The following PCNX1 variants were observed in gnomAD, a reference collection of about 807,000 sequenced individuals.
The protein encoded by PCNX1 is pecanex-like protein 1.
PCNX1 carries 78 observed loss-of-function variants against 242.2 expected under a neutral mutation model. The observed-to-expected ratio is 0.32, with a 90% CI of 0.27 to 0.39. PCNX1 has a LOEUF of 0.39. PCNX1 is among the 10% of genes least tolerant of loss of function. PCNX1 has a pLI of 1.00. For synonymous variants in PCNX1, 1,024 were observed against 1,032.9 expected (o/e 0.99, Z 0.17); for missense variants, 2,581 against 2,856.5 (o/e 0.90, Z 2.20).
chr14:70,918,887 T>C (rs1402161360), intron 1 of PCNX1, among the ~76,000 whole-genome samples: 1 of 146,200 alleles, frequency 6.8e-6, no homozygotes, highest in African/African-American at 2.5e-5. Context: ...TTTTTTGGTT[T>C]TTTTTTTTTT....
chr14:71,012,933 TTAAA>T, intron 10 of PCNX1, 48 bp from the exon 11 acceptor site: 1 of 1,107,092 alleles, frequency 9.0e-7, no homozygotes, highest in Non-Finnish European at 1.4e-6. Flanking sequence ...AATAAACATA[TTAAA>T]TAAATATTGA....
chr14:71,103,790 C>T lies in PCNX1; in HGVS notation c.6095+121C>T, dbSNP rs1394019476. 5.1e-6 allele frequency: 4 copies of T among 782,836 alleles called. No individual in the cohort carries two copies. In the East Asian group the frequency reaches 7.6e-5, roughly 15 times the overall value. The allele number at this position is 782,836 out of a possible 1,614,324, so 48.5% of individuals were successfully genotyped here. On this transcript the variant is annotated intron_variant, in intron 32 of 35. Transcript: ENST00000304743. ...CAGGTGCCATGGTACAATATGAACC[C>T]ATTATTTCTGAACTTCAAGAAGTAG... is the stretch of plus-strand genomic sequence containing the variant.
chr14:71,051,292 C>T (rs542350839), intron 23 of PCNX1, among the ~76,000 whole-genome samples: 1 of 148,792 alleles, frequency 6.7e-6, no homozygotes, highest in Non-Finnish European at 1.5e-5. Context: ...GAAAACTATA[C>T]AGGTTTTGTA....
intron 28 of PCNX1, among the ~76,000 whole-genome samples, chr14:71,077,063 C>G (rs1373479712): frequency 2.0e-5 from 3 of 152,088 alleles, no homozygotes; most frequent in African/African-American, 7.2e-5. Flanking sequence ...ATTCCTGGGC[C>G]CCACCTGCAA....
intron 5 of PCNX1, 104 bp downstream of exon 5, chr14:70,969,214 A>G (rs74741240): frequency 2.5e-4 from 178 of 714,868 alleles, no homozygotes; most frequent in African/African-American, 2.5e-3. Flanking sequence ...ACAATTTAAT[A>G]TGATATTTAA....
At chr14:71,009,600 TA>T in intron 8 of PCNX1, 33 bp from the exon 9 acceptor site, 2 of 1,295,416 alleles carry the variant, frequency 1.5e-6, no homozygotes, top group Non-Finnish European at 2.2e-6. Flanking sequence ...CTGAGTATTC[TA>T]ATGGCTTTTT....
chr14:70,988,426 T>G, intron 6 of PCNX1, 141 bp from the exon 7 acceptor site: 1 of 643,536 alleles, frequency 1.6e-6, no homozygotes, highest in Non-Finnish European at 2.6e-6. Flanking sequence ...TATGATAGAT[T>G]GACAGTATAC....
intron 1 of PCNX1, among the ~76,000 whole-genome samples, chr14:70,912,643 A>C (rs2055973861): frequency 6.6e-6 from 1 of 151,824 alleles, no homozygotes; most frequent in South Asian, 2.1e-4. Context: ...TTTTGAGCAA[A>C]TCTTACCACT....
intron 1 of PCNX1, among the ~76,000 whole-genome samples, chr14:70,937,044 G>GTCTATC (rs2057035000): frequency 2.0e-5 from 1 of 49,906 alleles, no homozygotes; most frequent in Admixed American, 1.5e-4. Flanking sequence ...CCCTTTGTCA[G>GTCTATC]ATGGATAGAT....
At chr14:70,949,006 T>A (rs1248788763) in intron 2 of PCNX1, among the ~76,000 whole-genome samples, 1 of 147,892 alleles carries the variant, frequency 6.8e-6, no homozygotes, top group African/African-American at 2.5e-5. Flanking sequence ...CATTTTTATT[T>A]ACTCGTATAA....
chr14:71,023,140 G>A, intron 12 of PCNX1, 60 bp from the exon 13 acceptor site: 1 of 1,246,298 alleles, frequency 8.0e-7, no homozygotes, highest in Non-Finnish European at 1.2e-6. Context: ...CATTTTGAAA[G>A]TTGGTTGTAA....
intron 16 of PCNX1, among the ~76,000 whole-genome samples, chr14:71,032,278 G>A (rs1282715914): frequency 6.6e-6 from 1 of 152,020 alleles, no homozygotes; most frequent in East Asian, 1.9e-4. Context: ...GCTTTCATAT[G>A]TATTTATCTC....
At chr14:70,980,584 T>A (rs374449610) in intron 6 of PCNX1, among the ~76,000 whole-genome samples, 1 of 152,148 alleles carries the variant, frequency 6.6e-6, no homozygotes, top group Non-Finnish European at 1.5e-5. Flanking sequence ...GGTTTTTTAA[T>A]TGGTTTTTAT....
intron 6 of PCNX1, among the ~76,000 whole-genome samples, 192 bp downstream of exon 6, chr14:70,978,840 T>G (rs966761816): frequency 6.6e-6 from 1 of 152,190 alleles, no homozygotes; most frequent in Non-Finnish European, 1.5e-5. Flanking sequence ...AGAACATATT[T>G]TTTGGTTGCA....
intron 28 of PCNX1, among the ~76,000 whole-genome samples, chr14:71,085,048 A>G (rs924932802): frequency 6.6e-6 from 1 of 152,176 alleles, no homozygotes; most frequent in Non-Finnish European, 1.5e-5. Flanking sequence ...GCCAGAATGC[A>G]CTGTTCCTCA....
intron 28 of PCNX1, among the ~76,000 whole-genome samples, chr14:71,086,937 A>AG (rs921829341): frequency 2.0e-5 from 3 of 152,080 alleles, no homozygotes; most frequent in Non-Finnish European, 2.9e-5. Flanking sequence ...TGTTTCAGCT[A>AG]GGGGGGTAAA....
chr14:71,098,545 T>TGAGAGA (rs1337446355), intron 30 of PCNX1, among the ~76,000 whole-genome samples: 12 of 98,214 alleles, frequency 1.2e-4, no homozygotes, highest in African/African-American at 4.7e-4. Context: ...TGTGTGTGTG[T>TGAGAGA]GTGTGTGTGA....
rs560732990 is a variant in PCNX1 at position 71,105,570 on chromosome 14, A to G, written c.6301+130A>G. Reference sequence around the variant, plus strand: ...GAAATAGAATTTTTTTTTTTTTTTGAGATGGAGTCTTGCTCTGGCTGGAGT... The same window carrying G: ...GAAATAGAATTTTTTTTTTTTTTTGGGATGGAGTCTTGCTCTGGCTGGAGT... On this transcript the variant is annotated intron_variant, in intron 33 of 35. Coordinates refer to ENST00000304743, the MANE Select transcript of PCNX1 (RefSeq NM_014982.3). The G allele has an allele frequency of 2.3e-4, 143 of 616,066 alleles. 1 individual carries two copies. The East Asian group carries it at 3.8e-3, about 16-fold the overall frequency. 38.2% of individuals were successfully genotyped at this position (616,066 alleles called of 1,614,324 possible). A position where few individuals can be genotyped will look rare whatever the true frequency, so the allele number is the denominator to read the frequency against.
chr14:71,068,651 C>G (rs1262990344), intron 26 of PCNX1, among the ~76,000 whole-genome samples: 1 of 109,248 alleles, frequency 9.2e-6, no homozygotes, highest in South Asian at 3.0e-4. Flanking sequence ...TATATTGTTG[C>G]ATGTATAGTC....
Sources: allele counts gnomAD v4.1 joint callset (sites outside exome capture counted in the v4.1 genomes callset), GRCh38; gene constraint gnomAD v4.1.1; transcripts MANE v1.5; gene names NCBI Gene and HGNC (gene_info 2026-07-23, HGNC 2026-07-21).